Variants in CCDC102B observed in about 807,000 individuals in gnomAD.
CCDC102B encodes coiled-coil domain-containing protein 102B.
CCDC102B carries 75 observed loss-of-function variants against 57.4 expected under a neutral mutation model. The observed-to-expected ratio is 1.31, with a 90% CI of 1.08 to 1.58. CCDC102B has a LOEUF of 1.58. Ranked by LOEUF, CCDC102B falls within the 40% of genes most tolerant of loss-of-function variation. CCDC102B has a pLI of 0.00. For synonymous variants in CCDC102B, 206 were observed against 201.9 expected, an observed-to-expected ratio of 1.02 and a Z score of -0.17; for missense variants, 636 against 582.6, an observed-to-expected ratio of 1.09 and a Z score of -0.94.
At chr18:68,883,426 A>G (rs1192277000) in intron 5 of CCDC102B, among the ~76,000 whole-genome samples, 1 of 152,110 alleles carries the variant, frequency 6.6e-6, no homozygotes, top group Admixed American at 6.5e-5. Context: ...AAAAAAATGT[A>G]TATGTATAAA....
chr18:68,715,236 G>T, exon 1 of CCDC102B: 1 of 1,351,772 alleles, frequency 7.4e-7, no homozygotes, highest in Non-Finnish European at 9.5e-7. Context: ...TGCGCTCTCG[G>T]TGCCCCCCTC....
chr18:68,989,671 A>G (rs560097556), intron 6 of CCDC102B, among the ~76,000 whole-genome samples: 72 of 152,310 alleles, frequency 4.7e-4, no homozygotes, highest in South Asian at 3.7e-3. Flanking sequence ...ACGCCAGGCT[A>G]CCACGTTGTC....
chr18:68,873,350 T>A (rs1276582793), intron 4 of CCDC102B, among the ~76,000 whole-genome samples: 2 of 152,168 alleles, frequency 1.3e-5, no homozygotes, highest in African/African-American at 4.8e-5. Flanking sequence ...CTAGTATACT[T>A]GGACTATGAC....
intron 7 of CCDC102B, among the ~76,000 whole-genome samples, chr18:69,044,925 AAGT>A (rs2052522274): frequency 6.6e-6 from 1 of 152,130 alleles, no homozygotes. Context: ...CAGAATCTCA[AAGT>A]ATCAGCCAGG....
At chr18:68,876,039 T>G (rs2039433198) in intron 5 of CCDC102B, among the ~76,000 whole-genome samples, 1 of 152,182 alleles carries the variant, frequency 6.6e-6, no homozygotes. Context: ...TTCATAACTT[T>G]TGTTTTCTAA....
At chr18:68,719,647 A>G (rs1276891363) in intron 2 of CCDC102B, among the ~76,000 whole-genome samples, 1 of 152,176 alleles carries the variant, frequency 6.6e-6, no homozygotes, top group Non-Finnish European at 1.5e-5. Context: ...TTACTCAGAT[A>G]CTCATTCAAA....
At chr18:69,007,534 G>A (rs4531840) in intron 6 of CCDC102B, among the ~76,000 whole-genome samples, 1 of 152,164 alleles carries the variant, frequency 6.6e-6, no homozygotes, top group Non-Finnish European at 1.5e-5. Context: ...AAGCTTATTA[G>A]AATTGGCTTA....
intron 2 of CCDC102B, among the ~76,000 whole-genome samples, chr18:68,727,491 C>T (rs1035271154): frequency 3.9e-5 from 6 of 152,172 alleles, no homozygotes; most frequent in Admixed American, 6.5e-5. Flanking sequence ...ATAGAAATTC[C>T]GCCATAACGT....
At chr18:68,852,967 A>T (rs932096997) in intron 4 of CCDC102B, among the ~76,000 whole-genome samples, 1 of 152,150 alleles carries the variant, frequency 6.6e-6, no homozygotes, top group African/African-American at 2.4e-5. Context: ...GGATGTAAAT[A>T]TGATCACATG....
chr18:68,883,960 T>C (rs1254917017), intron 5 of CCDC102B, among the ~76,000 whole-genome samples: 1 of 152,150 alleles, frequency 6.6e-6, no homozygotes, highest in Non-Finnish European at 1.5e-5. Context: ...ATGGAGAAGT[T>C]TTAACATCCG....
chr18:68,896,927 G>C (rs1173124539), intron 5 of CCDC102B, among the ~76,000 whole-genome samples: 4 of 151,970 alleles, frequency 2.6e-5, no homozygotes, highest in African/African-American at 9.7e-5. Context: ...GGAGATTAAT[G>C]TTCCCAAGAG....
intron 2 of CCDC102B, among the ~76,000 whole-genome samples, chr18:68,768,043 A>G (rs984089813): frequency 1.3e-5 from 2 of 152,164 alleles, no homozygotes; most frequent in African/African-American, 4.8e-5. Context: ...TCAATCATCA[A>G]TATGCAATTT....
chr18:69,056,488 C>T (rs899401988), downstream of CCDC102B, among the ~76,000 whole-genome samples: 2 of 151,954 alleles, frequency 1.3e-5, no homozygotes, highest in South Asian at 2.1e-4. Context: ...TGAATTTGAG[C>T]TTTACCCTGT....
chr18:68,833,713 A>G (rs1336184779), intron 1 of CCDC102B, among the ~76,000 whole-genome samples: 2 of 152,312 alleles, frequency 1.3e-5, no homozygotes, highest in South Asian at 2.1e-4. Flanking sequence ...GCTGGTGTCC[A>G]CTGACACATT....
intron 6 of CCDC102B, among the ~76,000 whole-genome samples, chr18:68,944,810 C>A (rs1194216591): frequency 1.3e-5 from 2 of 152,022 alleles, no homozygotes; most frequent in Non-Finnish European, 2.9e-5. Flanking sequence ...TCTTAACAAC[C>A]ATATATGACT....
chr18:68,832,450 C>T (rs2037185411), intron 1 of CCDC102B, among the ~76,000 whole-genome samples: 1 of 152,096 alleles, frequency 6.6e-6, no homozygotes, highest in South Asian at 2.1e-4. Flanking sequence ...TGTTCACTTT[C>T]AAGGAGCAGG....
chr18:68,998,060 T>C (rs992567529), intron 6 of CCDC102B, among the ~76,000 whole-genome samples: 7 of 152,108 alleles, frequency 4.6e-5, no homozygotes, highest in Non-Finnish European at 7.4e-5. Context: ...TGCTTTGTAT[T>C]CCCACGGTTT....
intron 6 of CCDC102B, among the ~76,000 whole-genome samples, chr18:68,931,034 G>A (rs2041655676): frequency 6.6e-6 from 1 of 151,628 alleles, no homozygotes; most frequent in Admixed American, 6.6e-5. Flanking sequence ...GGCATGATCA[G>A]TAAATCTTTT....
intron 6 of CCDC102B, among the ~76,000 whole-genome samples, chr18:68,958,905 C>G (rs1193018211): frequency 1.3e-5 from 2 of 152,066 alleles, no homozygotes; most frequent in Non-Finnish European, 2.9e-5. Flanking sequence ...AGTTCCTTCT[C>G]TGTGTTATAT....
Sources: allele counts gnomAD v4.1 joint callset (sites outside exome capture counted in the v4.1 genomes callset), GRCh38; gene constraint gnomAD v4.1.1; transcripts MANE v1.5; gene names NCBI Gene and HGNC (gene_info 2026-07-23, HGNC 2026-07-21).